Variants in DST observed in about 807,000 individuals in gnomAD.
DST encodes dystonin.
Under a neutral mutation model 875.2 loss-of-function variants are expected in DST, and 253 were observed. The observed-to-expected ratio is 0.29, with a 90% CI of 0.26 to 0.32. The LOEUF is 0.32. Ranked by LOEUF, DST falls within the 10% of genes least tolerant of loss-of-function variation. DST has a pLI of 1.00. For missense variants in DST, 8,287 were observed against 9,111.6 expected (o/e 0.91, Z 3.68); for synonymous variants, 3,124 against 3,197.1 (o/e 0.98, Z 0.77).
chr6:56,763,684 TACACAC>T (rs553580754), intron 4 of DST, among the ~76,000 whole-genome samples: 1,880 of 117,072 alleles, frequency 0.016, 20 homozygotes, highest in Middle Eastern at 0.033. Context: ...AAAATACCTA[TACACAC>T]ACACACACAC....
intron 91 of DST, among the ~76,000 whole-genome samples, chr6:56,476,947 G>A (rs772614648): frequency 2.6e-5 from 4 of 151,508 alleles, no homozygotes; most frequent in African/African-American, 7.3e-5. Context: ...TCGAGACTCC[G>A]TCAAAAGAAA....
intron 3 of DST, among the ~76,000 whole-genome samples, chr6:56,888,024 C>T (rs1456799746): frequency 6.7e-6 from 1 of 150,292 alleles, no homozygotes; most frequent in Admixed American, 6.6e-5. Flanking sequence ...GATCTCGGCT[C>T]ACTGCAACCT....
At chr6:56,823,443 G>A (rs529025142) in intron 4 of DST, among the ~76,000 whole-genome samples, 4 of 151,742 alleles carry the variant, frequency 2.6e-5, no homozygotes, top group East Asian at 2.0e-4. Flanking sequence ...ACAGAGTCTC[G>A]CTCTATTGGC....
Position 56,631,334 on chromosome 6 carries a change from TTATTTG to T in DST, c.4013_4018del (p.Thr1338_Asn1339del). On this transcript the variant is annotated inframe_deletion, in exon 30 of 104. Coordinates refer to ENST00000680361, the MANE Select transcript of DST (RefSeq NM_001374736.1). The stretch of plus-strand genomic sequence containing the variant: ...TGCTTGACTGAAAAACTCCTCACAC[TTATTTG>T]TGATTGTTCCCAAATCATCTTTAAG... 1 of 1,614,060 alleles carries T rather than the reference TTATTTG, an allele frequency of 6.2e-7. No homozygotes were observed. Among genetic ancestry groups the T allele is most frequent in the Non-Finnish European group, 8.5e-7 (1 of 1,179,982 alleles).
rs754267883 is a variant in DST at position 56,701,862 on chromosome 6, A to T, written c.954+26T>A. On this transcript the variant is annotated intron_variant, in intron 8 of 103. Transcript: ENST00000680361. ...TGTATTAGTAACATATATTTATATG[A>T]TTACAGTATTTTCAAAACATCATAC... 40 of 1,380,968 alleles carry T rather than the reference A, an allele frequency of 2.9e-5. No individual in the cohort carries two copies. In the South Asian group the frequency reaches 4.5e-4, roughly 16 times the overall value. The allele number at this position is 1,380,968 out of a possible 1,614,324, so 85.5% of individuals were successfully genotyped here. A position where few individuals can be genotyped will look rare whatever the true frequency, so the allele number is the denominator to read the frequency against.
At chr6:56,573,927 C>T (rs1224727144) in intron 50 of DST, 40 bp from the exon 51 acceptor site, 1 of 1,466,736 alleles carries the variant, frequency 6.8e-7, no homozygotes, top group East Asian at 2.3e-5. Flanking sequence ...ACAAAGTTCT[C>T]TTTGCCCTAT....
rs1441514476 is a variant in DST at position 56,536,888 on chromosome 6, T to C, written c.16661A>G (p.Asn5554Ser). 1 of 1,613,888 alleles carries C rather than the reference T, an allele frequency of 6.2e-7. No homozygotes were observed. Among genetic ancestry groups the C allele is most frequent in the East Asian group, 2.2e-5 (1 of 44,878 alleles). The stretch of plus-strand genomic sequence containing the variant: ...CTGAATAAGGCCTTGACCTAACCAG[T>C]TTACATCTTGCTGTTTACCTTGCAA... ...EPLQGKQQDV[N>S]WLGQGLIQSA... The change falls in exon 62 of 104, where the codon AAC becomes AGC. Residue 5554 changes from asparagine to serine, a missense_variant. By Grantham distance (46) the Asn-to-Ser change is conservative. Coordinates refer to ENST00000680361, the MANE Select transcript of DST (RefSeq NM_001374736.1).
rs1211658580 is a variant in DST, at chr6:56,598,719, C to T, written c.11695-10G>A. On this transcript the variant is annotated splice_polypyrimidine_tract_variant and intron_variant, in intron 45 of 103. Transcript: ENST00000680361. ...TATCTTTCTGTAATTCCTTATAACACAAAAGGAAAAAATATATTTTATTAA... is the reference window on the plus strand; with the variant it reads ...TATCTTTCTGTAATTCCTTATAACATAAAAGGAAAAAATATATTTTATTAA... 6.8e-7 allele frequency: 1 copy of T among 1,471,842 alleles called. No individual in the cohort carries two copies. The highest frequency in any genetic ancestry group is 9.2e-7 in the Non-Finnish European group (1 of 1,088,432). The allele number at this position is 1,471,842 out of a possible 1,614,324, so 91.2% of individuals were successfully genotyped here. A position where few individuals can be genotyped will look rare whatever the true frequency, so the allele number is the denominator to read the frequency against.
chr6:56,488,191 G>A (rs1269586800), intron 86 of DST, among the ~76,000 whole-genome samples: 1 of 152,054 alleles, frequency 6.6e-6, no homozygotes, highest in African/African-American at 2.4e-5. Context: ...TCATGGTATT[G>A]ACAGAGATTT....
intron 4 of DST, among the ~76,000 whole-genome samples, chr6:56,845,645 C>T (rs2099806435): frequency 6.6e-6 from 1 of 152,198 alleles, no homozygotes; most frequent in African/African-American, 2.4e-5. Context: ...GCAATTAAGT[C>T]CCTGAAAGTC....
intron 4 of DST, among the ~76,000 whole-genome samples, chr6:56,810,459 C>A (rs1487626934): frequency 6.6e-6 from 1 of 152,064 alleles, no homozygotes; most frequent in Non-Finnish European, 1.5e-5. Flanking sequence ...TCTTGTTCAA[C>A]CATGTGTAAA....
intron 3 of DST, among the ~76,000 whole-genome samples, chr6:56,883,735 T>C (rs1783295991): frequency 6.6e-6 from 1 of 152,174 alleles, no homozygotes; most frequent in South Asian, 2.1e-4. Context: ...TCCTGGTCAG[T>C]GCTATTTCAA....
chr6:56,790,310 T>C (rs1352142772), intron 4 of DST, among the ~76,000 whole-genome samples: 1 of 152,196 alleles, frequency 6.6e-6, no homozygotes, highest in Non-Finnish European at 1.5e-5. Flanking sequence ...AGATTGAGGC[T>C]CAGAGTACAT....
chr6:56,695,126 CAAAAAA>C (rs34456344), intron 9 of DST, among the ~76,000 whole-genome samples: 2 of 70,094 alleles, frequency 2.9e-5, no homozygotes, highest in African/African-American at 5.5e-5. Context: ...GACTCCCTCT[CAAAAAA>C]AAAAAAAAAA....
At chr6:56,943,392 AG>A (rs752425251) in intron 2 of DST, among the ~76,000 whole-genome samples, 96 of 150,602 alleles carry the variant, frequency 6.4e-4, no homozygotes, top group Middle Eastern at 3.5e-3. Context: ...AAAAAAAAAA[AG>A]TCAGGGATAT....
At chr6:56,765,003 G>T (rs986201000) in intron 4 of DST, among the ~76,000 whole-genome samples, 3 of 114,900 alleles carry the variant, frequency 2.6e-5, no homozygotes, top group Non-Finnish European at 5.5e-5. Flanking sequence ...GGGAGGAAGG[G>T]AGGGAGGGTA....
chr6:56,725,890 T>G (rs1282616269), intron 5 of DST, among the ~76,000 whole-genome samples: 1 of 152,134 alleles, frequency 6.6e-6, no homozygotes, highest in Non-Finnish European at 1.5e-5. Context: ...CATGGGTTCC[T>G]TAAATTTTAA....
At chr6:56,869,796 C>T (rs1354431307) in intron 3 of DST, among the ~76,000 whole-genome samples, 2 of 152,042 alleles carry the variant, frequency 1.3e-5, no homozygotes, top group Non-Finnish European at 2.9e-5. Context: ...ACGAGCCTCC[C>T]ACCTCAGCCT....
chr6:56,695,092 AC>A (rs1249431249), intron 9 of DST, among the ~76,000 whole-genome samples: 1 of 142,032 alleles, frequency 7.0e-6, no homozygotes, highest in Non-Finnish European at 1.5e-5. Context: ...GCACCGCTGC[AC>A]TCCAGTCTGG....
Sources: allele counts gnomAD v4.1 joint callset (sites outside exome capture counted in the v4.1 genomes callset), GRCh38; gene constraint gnomAD v4.1.1; transcripts MANE v1.5; gene names NCBI Gene and HGNC (gene_info 2026-07-23, HGNC 2026-07-21).